SMYD3: variants seen among roughly 807,000 people sequenced by gnomAD.
SMYD3 encodes the protein histone-lysine N-methyltransferase SMYD3.
A neutral mutation model predicts 57.7 loss-of-function variants in SMYD3; 36 were observed. The ratio of observed to expected loss-of-function variants is 0.62; its 90% CI spans 0.48 to 0.82. SMYD3 has a LOEUF of 0.82. SMYD3 is among the 40% of genes least tolerant of loss of function. The pLI is 0.00. For synonymous variants in SMYD3, 211 were observed against 195.0 expected (o/e 1.08, Z -0.68); for missense variants, 515 against 538.8 (o/e 0.96, Z 0.44).
chr1:246,095,097 C>T (rs577210192), intron 5 of SMYD3, among the ~76,000 whole-genome samples: 2 of 152,302 alleles, frequency 1.3e-5, no homozygotes, highest in South Asian at 2.1e-4. Context: ...GCTTCCAAAG[C>T]CCCGTGCACA....
intron 10 of SMYD3, among the ~76,000 whole-genome samples, chr1:245,840,691 A>G (rs2050356751): frequency 6.6e-6 from 1 of 152,186 alleles, no homozygotes; most frequent in Admixed American, 6.5e-5. Context: ...ACTTAAATCT[A>G]AAAATACTAC....
chr1:246,210,543 C>T (rs1300438780), intron 5 of SMYD3, among the ~76,000 whole-genome samples: 1 of 151,928 alleles, frequency 6.6e-6, no homozygotes, highest in African/African-American at 2.4e-5. Context: ...AACCCCGTCT[C>T]TACTAAAAAT....
At chr1:246,439,008 C>G (rs371386148) in intron 1 of SMYD3, among the ~76,000 whole-genome samples, 1 of 150,572 alleles carries the variant, frequency 6.6e-6, no homozygotes, top group Admixed American at 6.6e-5. Context: ...TACCGGTCCT[C>G]GGCCCGGGCT....
chr1:245,801,941 T>A (rs2047888557), intron 10 of SMYD3, among the ~76,000 whole-genome samples: 1 of 151,686 alleles, frequency 6.6e-6, no homozygotes, highest in South Asian at 2.1e-4. Flanking sequence ...TTGAGTAATG[T>A]CACCAAATCG....
At chr1:246,280,694 CTAT>C (rs1476018082) in intron 5 of SMYD3, among the ~76,000 whole-genome samples, 3 of 152,178 alleles carry the variant, frequency 2.0e-5, no homozygotes, top group Non-Finnish European at 4.4e-5. Context: ...ATGTCAGTTT[CTAT>C]TATCATTCCA....
In SMYD3 at chr1:246,167,557, C is replaced by T. The variant is rs1206670829; in HGVS notation, c.531+159644G>A. Among the ~76,000 whole-genome samples the T allele has an allele frequency of 2.0e-5, 3 of 149,250 alleles. No individual in the cohort carries two copies. In the South Asian group the frequency reaches 6.4e-4, roughly 32 times the overall value. Reference sequence around the variant, plus strand: ...ACGGAGTCTCGCTCTGTGGCCCAGGCTGGAGTGCAGTGGCATGATCTCAGC... The same window carrying T: ...ACGGAGTCTCGCTCTGTGGCCCAGGTTGGAGTGCAGTGGCATGATCTCAGC... On this transcript the variant is annotated intron_variant, in intron 5 of 11. Coordinates refer to ENST00000490107, the MANE Select transcript of SMYD3 (RefSeq NM_001167740.2).
At chr1:246,227,281 A>C (rs1202680773) in intron 5 of SMYD3, among the ~76,000 whole-genome samples, 1 of 152,170 alleles carries the variant, frequency 6.6e-6, no homozygotes, top group Non-Finnish European at 1.5e-5. Context: ...TTTATGCTTT[A>C]ATTTCAGCTC....
At chr1:246,320,826 A>G (rs990081672) in intron 5 of SMYD3, among the ~76,000 whole-genome samples, 1 of 152,228 alleles carries the variant, frequency 6.6e-6, no homozygotes, top group African/African-American at 2.4e-5. Context: ...ATAATTATCA[A>G]TGGACATTTT....
chr1:245,934,328 A>C (rs1538299), intron 5 of SMYD3, among the ~76,000 whole-genome samples: 146,623 of 152,228 alleles, frequency 0.96, 70,852 homozygotes, highest in East Asian at 1. Context: ...GCCCCCCGGC[A>C]CCCCGACTCC....
At chr1:245,932,349 T>C (rs1383736892) in intron 5 of SMYD3, among the ~76,000 whole-genome samples, 1 of 152,232 alleles carries the variant, frequency 6.6e-6, no homozygotes, top group Admixed American at 6.5e-5. Context: ...AATGTCAGCT[T>C]GCTTGTCTCT....
chr1:245,785,856 G>C (rs994613878), intron 10 of SMYD3, among the ~76,000 whole-genome samples: 8 of 151,950 alleles, frequency 5.3e-5, no homozygotes, highest in African/African-American at 1.9e-4. Flanking sequence ...ATGCCACCAT[G>C]CCTGGCTAAT....
At chr1:246,208,562 C>A (rs1351438215) in intron 5 of SMYD3, among the ~76,000 whole-genome samples, 4 of 152,108 alleles carry the variant, frequency 2.6e-5, no homozygotes, top group East Asian at 3.8e-4. Flanking sequence ...ATACTGAATT[C>A]TTAGATGCAA....
intron 5 of SMYD3, chr1:246,035,087 C>T (rs12098007): frequency 0.055 from 8,368 of 152,304 alleles, 307 homozygotes; most frequent in African/African-American, 0.095. Flanking sequence ...TTCCAGGTCA[C>T]TGCCTCAGGA....
chr1:245,933,933 G>A (rs960778448), intron 5 of SMYD3, among the ~76,000 whole-genome samples: 2 of 151,940 alleles, frequency 1.3e-5, no homozygotes, highest in African/African-American at 4.8e-5. Flanking sequence ...CAAGAACCCA[G>A]CCACTTCCCA....
At chr1:246,500,831 G>C (rs1297476454) in intron 1 of SMYD3, among the ~76,000 whole-genome samples, 6 of 152,170 alleles carry the variant, frequency 3.9e-5, no homozygotes, top group African/African-American at 1.4e-4. Context: ...CATTCACATG[G>C]ACCAAATGTT....
At chr1:246,345,678 G>T (rs2065702947) in intron 2 of SMYD3, among the ~76,000 whole-genome samples, 1 of 152,130 alleles carries the variant, frequency 6.6e-6, no homozygotes, top group Non-Finnish European at 1.5e-5. Flanking sequence ...TCTGACTAAG[G>T]AGAAGACTGC....
chr1:246,186,147 C>T (rs10754496), intron 5 of SMYD3, among the ~76,000 whole-genome samples: 151,116 of 152,306 alleles, frequency 0.99, 74,971 homozygotes, highest in Middle Eastern at 1. Flanking sequence ...TTCTGTAAAG[C>T]AAAATAATGA....
intron 5 of SMYD3, among the ~76,000 whole-genome samples, chr1:245,968,989 T>G (rs946714185): frequency 2.6e-5 from 4 of 152,170 alleles, no homozygotes; most frequent in African/African-American, 9.7e-5. Flanking sequence ...CTTCAGAGAT[T>G]ACCACTGTGT....
intron 1 of SMYD3, among the ~76,000 whole-genome samples, chr1:246,378,731 ATTATATATAATTATATATAATATATT>A (rs2066324865): frequency 2.5e-5 from 2 of 80,400 alleles, no homozygotes; most frequent in Non-Finnish European, 4.9e-5. Flanking sequence ...TATATTATAT[ATTATATATAATTATATATAATATATT>A]TAATATATTA....
Sources: gnomAD v4.1 joint callset for allele counts (sites outside exome capture counted in the v4.1 genomes callset) on GRCh38, gnomAD v4.1.1 for gene constraint, MANE v1.5 for transcripts, NCBI Gene and HGNC (gene_info 2026-07-23, HGNC 2026-07-21) for gene names.